PTPRT: variants seen among roughly 807,000 people sequenced by gnomAD.
PTPRT encodes receptor-type tyrosine-protein phosphatase T.
In PTPRT, 56 loss-of-function variants were observed where a neutral mutation model predicts 176.8. That is an observed-to-expected ratio of 0.32 (90% CI 0.26 to 0.40). PTPRT has a LOEUF of 0.40. Ranked by LOEUF, PTPRT falls within the 10% of genes least tolerant of loss-of-function variation. PTPRT has a pLI of 1.00. For synonymous variants in PTPRT, 783 were observed against 739.0 expected, an observed-to-expected ratio of 1.06 and a Z score of -0.96; for missense variants, 1,540 against 1,908.2, an observed-to-expected ratio of 0.81 and a Z score of 3.60.
the PTPRT span, among the ~76,000 whole-genome samples, chr20:42,036,220 T>C: frequency 2.0e-5 from 3 of 152,164 alleles, no homozygotes; most frequent in Non-Finnish European, 4.4e-5. Context: ...CATTGGTGCA[T>C]ACAGAAACTG....
intron 7 of PTPRT, among the ~76,000 whole-genome samples, chr20:42,654,977 C>T (rs867072375): frequency 2.6e-5 from 4 of 152,158 alleles, no homozygotes; most frequent in Non-Finnish European, 2.9e-5. Flanking sequence ...TTAGTCATCA[C>T]GAGACCTTCT....
chr20:42,740,617 G>A (rs575256850), intron 6 of PTPRT, among the ~76,000 whole-genome samples: 21 of 152,298 alleles, frequency 1.4e-4, no homozygotes, highest in Non-Finnish European at 2.4e-4. Flanking sequence ...CCCTGCTTCC[G>A]AGATGCAAAA....
At chr20:42,507,296 A>G (rs1601152366) in intron 7 of PTPRT, among the ~76,000 whole-genome samples, 1 of 152,112 alleles carries the variant, frequency 6.6e-6, no homozygotes, top group African/African-American at 2.4e-5. Flanking sequence ...ATGTGGACCC[A>G]AGCTGATGAA....
Position 42,260,024 on chromosome 20 carries a change from G to A in PTPRT, c.2177-11202C>T, listed in dbSNP as rs376017520. On this transcript the variant is annotated intron_variant, in intron 13 of 30. Coordinates refer to ENST00000373187, the MANE Select transcript of PTPRT (RefSeq NM_007050.6). Reference sequence around the variant, plus strand: ...TGGCTATAGCAAGGTGCTGAGCATGGAAGGTAATTAGACAACACTACTGTC... The same window carrying A: ...TGGCTATAGCAAGGTGCTGAGCATGAAAGGTAATTAGACAACACTACTGTC... Among the ~76,000 whole-genome samples the A allele has an allele frequency of 8.5e-5, 13 of 152,208 alleles. No individual in the cohort carries two copies. The East Asian group carries it at 9.6e-4, about 11-fold the overall frequency.
chr20:42,216,376 G>A (rs570096703), intron 15 of PTPRT, among the ~76,000 whole-genome samples: 17 of 152,174 alleles, frequency 1.1e-4, no homozygotes, highest in Non-Finnish European at 2.1e-4. Context: ...TGGAACAAGC[G>A]GGTATCCTGT....
chr20:43,058,420 A>G (rs908052980), intron 1 of PTPRT, among the ~76,000 whole-genome samples: 7 of 151,256 alleles, frequency 4.6e-5, no homozygotes, highest in Non-Finnish European at 1.0e-4. Context: ...AGGAGAGAGG[A>G]AGAGAGAGAG....
chr20:42,092,592 G>C (rs1247812921), intron 27 of PTPRT, among the ~76,000 whole-genome samples: 2 of 152,164 alleles, frequency 1.3e-5, no homozygotes, highest in Non-Finnish European at 2.9e-5. Flanking sequence ...TACCATTCTG[G>C]TGGGGACAGA....
chr20:42,240,732 C>T (rs140312467), intron 14 of PTPRT, among the ~76,000 whole-genome samples: 46 of 152,012 alleles, frequency 3.0e-4, no homozygotes, highest in African/African-American at 1.0e-3. Flanking sequence ...TCCATCCATC[C>T]ACCCACCCAT....
intron 1 of PTPRT, among the ~76,000 whole-genome samples, chr20:43,062,401 T>C (rs1171991527): frequency 2.6e-5 from 4 of 152,170 alleles, no homozygotes; most frequent in Admixed American, 6.6e-5. Context: ...AGATAATACA[T>C]GCCAAACACC....
At chr20:42,638,935 A>G (rs888176510) in intron 7 of PTPRT, among the ~76,000 whole-genome samples, 2 of 152,298 alleles carry the variant, frequency 1.3e-5, no homozygotes, top group East Asian at 3.9e-4. Context: ...CACATATTTA[A>G]ACAAACACTA....
intron 18 of PTPRT, among the ~76,000 whole-genome samples, chr20:42,140,298 G>A (rs1988563804): frequency 6.6e-6 from 1 of 152,084 alleles, no homozygotes; most frequent in Non-Finnish European, 1.5e-5. Context: ...CACACCATTG[G>A]TGAGATGTCA....
In PTPRT at chr20:42,171,402, T is replaced by G. The variant is rs1276975210; in HGVS notation, c.2492-9860A>C. Among the ~76,000 whole-genome samples the G allele has an allele frequency of 2.6e-5, 4 of 152,200 alleles. No individual in the cohort carries two copies. In the East Asian group the frequency reaches 7.7e-4, roughly 29 times the overall value. On this transcript the variant is annotated intron_variant, in intron 16 of 30. Transcript: ENST00000373187. ...ATTTAAAAATCTAATATAAAAATTC[T>G]TGGCTAAAATTTCCAATTGTATTAA...
chr20:42,528,324 G>A (rs555989706), intron 7 of PTPRT, among the ~76,000 whole-genome samples: 2 of 151,536 alleles, frequency 1.3e-5, no homozygotes, highest in South Asian at 2.1e-4. Context: ...CTGTCTTTAT[G>A]TCCACTTTAT....
chr20:42,392,808 C>A (rs1330590593), intron 9 of PTPRT, among the ~76,000 whole-genome samples: 1 of 152,184 alleles, frequency 6.6e-6, no homozygotes, highest in East Asian at 1.9e-4. Flanking sequence ...GAAAAGATTT[C>A]TTTCCTCATC....
intron 1 of PTPRT, among the ~76,000 whole-genome samples, chr20:43,168,122 T>C (rs2014903122): frequency 6.6e-6 from 1 of 152,226 alleles, no homozygotes; most frequent in Non-Finnish European, 1.5e-5. Context: ...TTGTCAAGTC[T>C]CTGCACACCT....
chr20:43,141,656 G>T (rs2014010691), intron 1 of PTPRT, among the ~76,000 whole-genome samples: 1 of 152,298 alleles, frequency 6.6e-6, no homozygotes, highest in Non-Finnish European at 1.5e-5. Flanking sequence ...CATTGCAAGG[G>T]TATGGACAGA....
chr20:42,805,095 C>A (rs182798529), intron 2 of PTPRT, among the ~76,000 whole-genome samples: 1 of 152,132 alleles, frequency 6.6e-6, no homozygotes. Flanking sequence ...GTAGAGATGA[C>A]GGAATATCAT....
At chr20:43,159,544 A>C (rs2014628434) in intron 1 of PTPRT, among the ~76,000 whole-genome samples, 1 of 152,186 alleles carries the variant, frequency 6.6e-6, no homozygotes, top group Non-Finnish European at 1.5e-5. Context: ...TGCCACATGG[A>C]ATTTCAATTT....
chr20:42,362,724 A>G (rs2058447107), intron 9 of PTPRT, among the ~76,000 whole-genome samples: 1 of 152,190 alleles, frequency 6.6e-6, no homozygotes, highest in Admixed American at 6.5e-5. Context: ...GTTATACAAG[A>G]TGCTAACATA....
Sources: gnomAD v4.1 joint callset for allele counts (sites outside exome capture counted in the v4.1 genomes callset) on GRCh38, gnomAD v4.1.1 for gene constraint, MANE v1.5 for transcripts, NCBI Gene and HGNC (gene_info 2026-07-23, HGNC 2026-07-21) for gene names.